The following DSCAM variants were observed in gnomAD, a reference collection of about 807,000 sequenced individuals.
DSCAM encodes the protein cell adhesion molecule DSCAM.
A neutral mutation model predicts 217.7 loss-of-function variants in DSCAM; 47 were observed. That is an observed-to-expected ratio of 0.22 (90% CI 0.17 to 0.28). The LOEUF (loss-of-function observed/expected upper bound fraction) is 0.28, where lower values mean the gene tolerates loss of function less well. Among genes scored for constraint, DSCAM ranks in the 10% least tolerant of loss-of-function variants. The pLI, the probability that DSCAM is intolerant of heterozygous loss-of-function variation, is 1.00. For synonymous variants in DSCAM, 1,056 were observed against 1,015.3 expected, an observed-to-expected ratio of 1.04 and a Z score of -0.76; for missense variants, 2,080 against 2,618.3, an observed-to-expected ratio of 0.79 and a Z score of 4.49.
At chr21:40,699,726 A>G (rs1043480949) in intron 2 of DSCAM, among the ~76,000 whole-genome samples, 6 of 152,170 alleles carry the variant, frequency 3.9e-5, no homozygotes, top group African/African-American at 1.4e-4. Flanking sequence ...AGGGAGGCTT[A>G]GAGGGGTGGG....
intron 14 of DSCAM, among the ~76,000 whole-genome samples, chr21:40,183,160 G>A (rs1210021002): frequency 6.6e-6 from 1 of 151,904 alleles, no homozygotes; most frequent in South Asian, 2.1e-4. Flanking sequence ...ACAGGAGATG[G>A]CCCCCACAGG....
At chr21:40,291,225 G>A (rs144345445) in intron 10 of DSCAM, among the ~76,000 whole-genome samples, 2,020 of 152,278 alleles carry the variant, frequency 0.013, 50 homozygotes, top group African/African-American at 0.045. Flanking sequence ...GCCACATCCC[G>A]GCCAAGGCCT....
chr21:40,704,515 G>A (rs2090691426), intron 2 of DSCAM, among the ~76,000 whole-genome samples: 1 of 152,138 alleles, frequency 6.6e-6, no homozygotes, highest in African/African-American at 2.4e-5. Context: ...AGAAATTTGA[G>A]ACCGGCCTGG....
chr21:40,537,289 CGAGA>C (rs961164359), intron 3 of DSCAM, among the ~76,000 whole-genome samples: 1 of 152,088 alleles, frequency 6.6e-6, no homozygotes, highest in East Asian at 1.9e-4. Context: ...GGAGGTAGGT[CGAGA>C]GAGAGACAGA....
rs570650312 is a variant in DSCAM, at chr21:40,243,822, G to A, written c.2356+32275C>T. ...CCCTTGCCAGCAGCCACCATTGCTT[G>A]TCATCACATTAATTTCCCCCAGTGT... On this transcript the variant is annotated intron_variant, in intron 11 of 32. Coordinates refer to ENST00000400454, the MANE Select transcript of DSCAM (RefSeq NM_001389.5). Among the ~76,000 whole-genome samples, 7 of 152,278 alleles carry A rather than the reference G, an allele frequency of 4.6e-5. No homozygotes were observed. The East Asian group carries it at 1.4e-3, about 29-fold the overall frequency.
intron 10 of DSCAM, among the ~76,000 whole-genome samples, chr21:40,289,553 T>C (rs941658754): frequency 5.9e-5 from 9 of 152,202 alleles, no homozygotes; most frequent in South Asian, 2.1e-4. Context: ...TAGGGGAGTA[T>C]AGACACATAA....
At chr21:40,673,365 A>C (rs2090299301) in intron 3 of DSCAM, among the ~76,000 whole-genome samples, 1 of 152,230 alleles carries the variant, frequency 6.6e-6, no homozygotes, top group African/African-American at 2.4e-5. Context: ...TTATAAAAGT[A>C]GAAATTTCAG....
intron 1 of DSCAM, among the ~76,000 whole-genome samples, chr21:40,795,863 G>A (rs558628953): frequency 6.6e-6 from 1 of 152,174 alleles, no homozygotes; most frequent in African/African-American, 2.4e-5. Flanking sequence ...GTGGGCCTCA[G>A]TATGTTTCAT....
chr21:40,056,218 G>C (rs1004223167), intron 28 of DSCAM, among the ~76,000 whole-genome samples: 5 of 152,158 alleles, frequency 3.3e-5, no homozygotes, highest in Non-Finnish European at 7.4e-5. Flanking sequence ...GAGGAATAAA[G>C]CACCAGATAT....
chr21:40,081,596 T>A (rs574423409), intron 24 of DSCAM, among the ~76,000 whole-genome samples: 51 of 152,210 alleles, frequency 3.4e-4, no homozygotes, highest in African/African-American at 1.1e-3. Context: ...CCCAGCCACA[T>A]CCCAGCCTGT....
chr21:40,321,706 T>G (rs973359920), intron 8 of DSCAM, among the ~76,000 whole-genome samples: 5 of 152,040 alleles, frequency 3.3e-5, no homozygotes, highest in Non-Finnish European at 7.4e-5. Flanking sequence ...TGCGAGCATT[T>G]ACCTCTGCTC....
intron 3 of DSCAM, chr21:40,384,469 T>A (rs2075060927): frequency 6.6e-6 from 1 of 152,436 alleles, no homozygotes; most frequent in Non-Finnish European, 1.5e-5. Context: ...TAGCCAGGCA[T>A]GGTGGCCCAT....
chr21:40,639,317 G>C (rs1041986139), intron 3 of DSCAM, among the ~76,000 whole-genome samples: 5 of 152,236 alleles, frequency 3.3e-5, no homozygotes, highest in Non-Finnish European at 4.4e-5. Flanking sequence ...CAATGATGTT[G>C]AGAGTTCTTT....
chr21:40,357,816 C>T (rs938533750), intron 4 of DSCAM, among the ~76,000 whole-genome samples: 4 of 151,122 alleles, frequency 2.6e-5, no homozygotes, highest in Admixed American at 1.3e-4. Context: ...ATATATGTAA[C>T]GAACCTGCAC....
chr21:40,628,873 G>A (rs2089642103), intron 3 of DSCAM, among the ~76,000 whole-genome samples: 1 of 152,096 alleles, frequency 6.6e-6, no homozygotes, highest in Admixed American at 6.6e-5. Flanking sequence ...TCAGCCTACT[G>A]AGTAGCTGCA....
At chr21:40,498,379 C>T (rs138274408) in intron 3 of DSCAM, among the ~76,000 whole-genome samples, 306 of 151,808 alleles carry the variant, frequency 2.0e-3, no homozygotes, top group Non-Finnish European at 3.6e-3. Context: ...CAAAGCAATG[C>T]GTATAAAAAA....
At chr21:40,275,987 CTT>C in intron 11 of DSCAM, 108 bp downstream of exon 11, 2 of 1,177,042 alleles carry the variant, frequency 1.7e-6, no homozygotes, top group Non-Finnish European at 2.3e-6. Flanking sequence ...ACCAACGGGT[CTT>C]CTTTTGTGTT....
intron 31 of DSCAM, 67 bp downstream of exon 31, chr21:40,044,011 C>T (rs776448405): frequency 5.2e-6 from 8 of 1,539,626 alleles, no homozygotes; most frequent in African/African-American, 1.4e-5. Context: ...CCCAAGGAGC[C>T]CATGAAGCTC....
chr21:40,087,562 C>T (rs2089549445), intron 21 of DSCAM, among the ~76,000 whole-genome samples: 1 of 152,206 alleles, frequency 6.6e-6, no homozygotes, highest in Admixed American at 6.5e-5. Context: ...AGCCAAGCAG[C>T]TCCAAGCTGT....
Sources: gnomAD v4.1 joint callset for allele counts (sites outside exome capture counted in the v4.1 genomes callset) on GRCh38, gnomAD v4.1.1 for gene constraint, MANE v1.5 for transcripts, NCBI Gene and HGNC (gene_info 2026-07-23, HGNC 2026-07-21) for gene names.